The following RALB variants were observed in gnomAD, a reference collection of about 807,000 sequenced individuals.
The protein encoded by RALB is ras-related protein Ral-B.
Under a neutral mutation model 21.3 loss-of-function variants are expected in RALB, and 16 were observed. That is an observed-to-expected ratio of 0.75 (90% CI 0.51 to 1.14). RALB has a LOEUF of 1.14. Among genes scored for constraint, RALB ranks in the 50% most tolerant of loss-of-function variants. The pLI, the probability that RALB is intolerant of heterozygous loss-of-function variation, is 0.00. For synonymous variants in RALB, 93 were observed against 96.1 expected (o/e 0.97, Z 0.19); for missense variants, 161 against 256.2 (o/e 0.63, Z 2.54).
At chr2:120,293,087 C>A in intron 4 of RALB, 54 bp from the exon 5 acceptor site, 2 of 1,514,308 alleles carry the variant, frequency 1.3e-6, no homozygotes, top group Non-Finnish European at 1.8e-6. Flanking sequence ...AGAAAAAAAT[C>A]ATTAAATGGC....
rs112214309 is a variant in RALB, at chr2:120,245,369, A to C, written c.19+5244A>C. Among the ~76,000 whole-genome samples, 1,301 of 152,314 alleles carry C rather than the reference A, an allele frequency of 8.5e-3. 25 individuals are homozygous for C. Among genetic ancestry groups the C allele is most frequent in the African/African-American group, 0.029 (1,222 of 41,566 alleles). On this transcript the variant is annotated intron_variant, in intron 1 of 3. Coordinates refer to the RALB transcript ENST00000447591. ...GCCTCACCTGTAAAGAGGACGTCAC[A>C]GCTCCCTCTCAGGCTGTGAGATCCT...
chr2:120,286,200 A>C (rs1191073055), intron 3 of RALB, 118 bp downstream of exon 3: 1 of 771,386 alleles, frequency 1.3e-6, no homozygotes, highest in Admixed American at 2.7e-5. Flanking sequence ...GCTTGTTCTC[A>C]GGAATAATTC....
chr2:120,247,580 C>G (rs188267539), intron 1 of RALB, among the ~76,000 whole-genome samples: 1 of 152,170 alleles, frequency 6.6e-6, no homozygotes, highest in Non-Finnish European at 1.5e-5. Context: ...TCCTGACTTA[C>G]CACAGTTTAG....
At chr2:120,277,267 G>T (rs1363419117) in intron 1 of RALB, among the ~76,000 whole-genome samples, 1 of 152,128 alleles carries the variant, frequency 6.6e-6, no homozygotes. Context: ...GAGCATAAGA[G>T]TGCATGGGAG....
At chr2:120,291,373 T>G (rs1328643257) in intron 4 of RALB, among the ~76,000 whole-genome samples, 2 of 152,218 alleles carry the variant, frequency 1.3e-5, no homozygotes, top group African/African-American at 4.8e-5. Flanking sequence ...TTAAAATATT[T>G]TTATTAAATT....
At chr2:120,246,821 T>C (rs1416410797) in intron 1 of RALB, among the ~76,000 whole-genome samples, 1 of 149,958 alleles carries the variant, frequency 6.7e-6, no homozygotes, top group Non-Finnish European at 1.5e-5. Flanking sequence ...CTGAGTGCAG[T>C]CCCCGCTGCG....
chr2:120,262,378 A>G (rs79875735), intron 1 of RALB, among the ~76,000 whole-genome samples: 1,967 of 152,266 alleles, frequency 0.013, 43 homozygotes, highest in African/African-American at 0.045. Flanking sequence ...TCTCAGAGCT[A>G]GAAGGTAGAG....
intron 1 of RALB, among the ~76,000 whole-genome samples, chr2:120,268,962 TTA>T (rs1376861807): frequency 2.0e-5 from 3 of 152,144 alleles, no homozygotes; most frequent in Non-Finnish European, 2.9e-5. Context: ...TGACATTGTA[TTA>T]TATGTTTTCT....
intron 1 of RALB, among the ~76,000 whole-genome samples, chr2:120,259,506 T>A (rs1288501824): frequency 6.6e-6 from 1 of 152,152 alleles, no homozygotes; most frequent in Non-Finnish European, 1.5e-5. Context: ...GTATTTACAA[T>A]CCCTGAGCTA....
rs148143386 is a variant in RALB, at chr2:120,289,631, C to G, written c.375C>G (p.Val125=). The change falls in exon 4 of 5, where the codon GTC becomes GTG. Residue 125 remains valine, a synonymous_variant. Coordinates refer to ENST00000272519, the MANE Select transcript of RALB (RefSeq NM_002881.3). The part of the protein sequence containing the change: ...KAEEDKIPLL[V]VGNKSDLEER... Reference sequence around the variant, plus strand: ...AAGAAGATAAAATTCCACTGCTCGTCGTGGGAAACAAGTCTGACCTAGAGG... The same window carrying G: ...AAGAAGATAAAATTCCACTGCTCGTGGTGGGAAACAAGTCTGACCTAGAGG... 8 of 1,613,962 alleles carry G rather than the reference C, an allele frequency of 5.0e-6. No individual in the cohort carries two copies. Among genetic ancestry groups the G allele is most frequent in the Admixed American group, 1.7e-5 (1 of 59,990 alleles).
intron 2 of RALB, among the ~76,000 whole-genome samples, chr2:120,280,172 G>A (rs926009003): frequency 6.6e-6 from 1 of 152,210 alleles, no homozygotes; most frequent in Non-Finnish European, 1.5e-5. Flanking sequence ...AGCTTGTACA[G>A]TGAAGCTCAA....
At chr2:120,265,598 A>G (rs1187685814) in intron 1 of RALB, among the ~76,000 whole-genome samples, 1 of 152,166 alleles carries the variant, frequency 6.6e-6, no homozygotes, top group Admixed American at 6.5e-5. Flanking sequence ...ATTTCACATC[A>G]TACTTGAAGC....
chr2:120,289,712 G>T lies in RALB; in HGVS notation c.456G>T (p.Val152=), dbSNP rs1690262181. The T allele has an allele frequency of 6.2e-7, 1 of 1,614,022 alleles. No individual in the cohort carries two copies. Among genetic ancestry groups the T allele is most frequent in the African/African-American group, 1.3e-5 (1 of 74,932 alleles). The change falls in exon 4 of 5, where the codon GTG becomes GTT. Residue 152 remains valine (V), a synonymous_variant. Transcript: ENST00000272519. ...EARSKAEEWG[V]QYVETSAKTR... ...GGAGTAAAGCCGAAGAGTGGGGCGT[G>T]CAGTACGTGGAGACGTCAGCGAAGA...
intron 1 of RALB, among the ~76,000 whole-genome samples, chr2:120,242,961 CTG>C (rs1442797847): frequency 6.6e-6 from 1 of 152,138 alleles, no homozygotes; most frequent in African/African-American, 2.4e-5. Context: ...CGCGGACTAA[CTG>C]GCTTCCAGGG....
At chr2:120,260,061 G>C (rs1689321085) in intron 1 of RALB, among the ~76,000 whole-genome samples, 1 of 152,350 alleles carries the variant, frequency 6.6e-6, no homozygotes, top group African/African-American at 2.4e-5. Context: ...GGCCCACCAA[G>C]CCCACGCCCA....
At chr2:120,253,288 C>A in intron 1 of RALB, 2 of 688,388 alleles carry the variant, frequency 2.9e-6, no homozygotes, top group Non-Finnish European at 3.6e-6. Context: ...CTTCCACTTC[C>A]TGCCGCGGGC....
At chr2:120,252,143 G>A (rs1358427143), upstream of RALB, among the ~76,000 whole-genome samples, 1 of 151,038 alleles carries the variant, frequency 6.6e-6, no homozygotes, top group Non-Finnish European at 1.5e-5. Flanking sequence ...AGGAGGAGGT[G>A]GTTAGGAAGG....
intron 1 of RALB, among the ~76,000 whole-genome samples, chr2:120,247,074 G>A (rs1688983926): frequency 6.6e-6 from 1 of 152,156 alleles, no homozygotes. Flanking sequence ...CTTTTATCTG[G>A]TTACCTGGAG....
chr2:120,264,777 C>T (rs539479832), intron 1 of RALB, among the ~76,000 whole-genome samples: 2 of 152,322 alleles, frequency 1.3e-5, no homozygotes, highest in African/African-American at 4.8e-5. Flanking sequence ...TCCCCCACCC[C>T]CTGGCAGCCG....
Sources: allele counts gnomAD v4.1 joint callset (sites outside exome capture counted in the v4.1 genomes callset), GRCh38; gene constraint gnomAD v4.1.1; transcripts MANE v1.5; gene names NCBI Gene and HGNC (gene_info 2026-07-23, HGNC 2026-07-21).